OTOGL: variants seen among roughly 807,000 people sequenced by gnomAD.
The protein encoded by OTOGL is otogelin like, also known as otogelin-like protein.
In OTOGL, 285 loss-of-function variants were observed where a neutral mutation model predicts 318.5. The ratio of observed to expected loss-of-function variants is 0.89; its 90% CI spans 0.81 to 0.99. The LOEUF is 0.99. Among genes scored for constraint, OTOGL ranks in the 50% least tolerant of loss-of-function variants. OTOGL has a pLI of 0.00. For synonymous variants in OTOGL, 987 were observed against 936.5 expected (o/e 1.05, Z -0.99); for missense variants, 2,899 against 2,845.6 (o/e 1.02, Z -0.43).
chr12:80,312,233 A>C (rs1026731946), intron 30 of OTOGL, among the ~76,000 whole-genome samples: 2 of 152,190 alleles, frequency 1.3e-5, no homozygotes, highest in Non-Finnish European at 2.9e-5. Context: ...TTCTTCATCT[A>C]TGTCAATCCA....
chr12:80,278,207 C>G lies in OTOGL; in HGVS notation c.2721C>G (p.Ser907Arg). 2 of 1,546,980 alleles carry G rather than the reference C, an allele frequency of 1.3e-6. No individual in the cohort carries two copies. The highest frequency in any genetic ancestry group is 1.7e-6 in the Non-Finnish European group (2 of 1,144,338). ...EHRGKCYVPE[S>R]CPCIWKDWEY... Reference sequence around the variant, plus strand: ...GAGGAAAGTGTTATGTTCCTGAAAGCTGCCCATGTATTTGGAAAGATTGGG... The same window carrying G: ...GAGGAAAGTGTTATGTTCCTGAAAGGTGCCCATGTATTTGGAAAGATTGGG... The change falls in exon 25 of 59, where the codon AGC becomes AGG. Residue 907 changes from serine to arginine, a missense_variant. Coordinates refer to ENST00000547103, the MANE Select transcript of OTOGL (RefSeq NM_001378609.3).
intron 17 of OTOGL, 102 bp downstream of exon 17, chr12:80,256,562 C>G (rs565482585): frequency 1.4e-6 from 2 of 1,416,566 alleles, no homozygotes; most frequent in African/African-American, 2.9e-5. Flanking sequence ...TAATGTTAGG[C>G]TGACTACCTA....
At chr12:80,246,929 A>G (rs1592601130) in intron 11 of OTOGL, among the ~76,000 whole-genome samples, 1 of 42,174 alleles carries the variant, frequency 2.4e-5, no homozygotes. Context: ...CATTTCTTCT[A>G]GATTTTCTAG....
At chr12:80,252,328 A>G in intron 13 of OTOGL, 127 bp downstream of exon 13, 2 of 1,091,194 alleles carry the variant, frequency 1.8e-6, no homozygotes, top group Non-Finnish European at 2.4e-6. Context: ...CTGTTCTTGT[A>G]GAAGTTGGTC....
In OTOGL at chr12:80,152,970, A is replaced by T. The variant is rs1173976115; in HGVS notation, c.-20+53365A>T. 4.6e-5 allele frequency among the ~76,000 whole-genome samples: 7 copies of T among 152,226 alleles called. No individual in the cohort carries two copies. The East Asian group carries it at 1.3e-3, about 29-fold the overall frequency. ...CGGCCTCCCAAAGTGCTGGGATTAC[A>T]GGCATGAGCAACCGCACCCTGGCCG... On this transcript the variant is annotated intron_variant, in intron 1 of 58. Coordinates refer to ENST00000547103, the MANE Select transcript of OTOGL (RefSeq NM_001378609.3).
At chr12:80,285,257 AGCTTGCT>A (rs1257692868) in intron 26 of OTOGL, among the ~76,000 whole-genome samples, 1 of 152,094 alleles carries the variant, frequency 6.6e-6, no homozygotes, top group African/African-American at 2.4e-5. Flanking sequence ...TGATACCAGT[AGCTTGCT>A]GTTTTGGTTA....
In OTOGL at chr12:80,355,914, T is replaced by C. The variant is rs1232432302; in HGVS notation, c.5772T>C (p.Ile1924=). ...AAGCTGAAGTTGTCATGGGCATCAT[T>C]GATAAATGGACCTGCTGTTCAAAGG... is the stretch of plus-strand genomic sequence containing the variant. ...EREAEVVMGI[I]DKWTCCSKEV... is the part of the protein sequence containing the mutation. Residue 1924 remains isoleucine (I), a synonymous_variant, in exon 47 of 59, where the codon ATT becomes ATC. Transcript: ENST00000547103. 6.2e-7 allele frequency: 1 copy of C among 1,613,798 alleles called. No individual in the cohort carries two copies. Among genetic ancestry groups the C allele is most frequent in the Non-Finnish European group, 8.5e-7 (1 of 1,179,830 alleles).
chr12:80,252,174 T>C lies in OTOGL; in HGVS notation c.1258T>C (p.Cys420Arg), dbSNP rs1881624577. Residue 420 changes from cysteine to arginine, a missense_variant, in exon 13 of 59, where the codon TGT becomes CGT. Transcript: ENST00000547103. ...EKQCLGSNLHCLDGCYCPDGL... is the reference protein window; with the variant it reads ...EKQCLGSNLHRLDGCYCPDGL... ...GCAATGTCTTGGGAGCAATCTCCAT[T>C]GTCTTGATGGATGTTACTGCCCAGA... 2 of 1,597,006 alleles carry C rather than the reference T, an allele frequency of 1.3e-6. No individual in the cohort carries two copies. The highest frequency in any genetic ancestry group is 2.7e-5 in the African/African-American group (2 of 74,712).
At chr12:80,254,019 G>GA (rs1216137254) in intron 14 of OTOGL, among the ~76,000 whole-genome samples, 1 of 152,070 alleles carries the variant, frequency 6.6e-6, no homozygotes, top group Non-Finnish European at 1.5e-5. Context: ...GTCCTAAAAA[G>GA]AAACAGAGGT....
At chr12:80,174,987 A>G (rs115973449) in intron 1 of OTOGL, among the ~76,000 whole-genome samples, 2,033 of 152,246 alleles carry the variant, frequency 0.013, 44 homozygotes, top group African/African-American at 0.045. Context: ...AATAAAAAAA[A>G]ACTTAATGAG....
intron 53 of OTOGL, 35 bp downstream of exon 53, chr12:80,366,672 T>C (rs1890562631): frequency 2.1e-6 from 2 of 936,122 alleles, no homozygotes; most frequent in South Asian, 5.1e-5. Flanking sequence ...AAATTATAAA[T>C]GAATATCATT....
rs771292800 is a variant in OTOGL at position 80,302,770 on chromosome 12, G to T, written c.3200G>T (p.Gly1067Val). The T allele has an allele frequency of 6.6e-7, 1 of 1,504,576 alleles. No individual in the cohort carries two copies. Among genetic ancestry groups the T allele is most frequent in the African/African-American group, 1.4e-5 (1 of 71,586 alleles). 93.2% of individuals were successfully genotyped at this position (1,504,576 alleles called of 1,614,324 possible). ...DRKTTIHIKV[G>V]PQWKNKLSGL... ...AAGACAACTATTCATATCAAAGTTG[G>T]GCCACAGTGGAAGGTAGGTCAACCT... is the stretch of plus-strand genomic sequence containing the variant. Residue 1067 changes from glycine to valine, a missense_variant, in exon 28 of 59, where the codon GGG (glycine) becomes GTG (valine). Around this residue, in one of 3 missense-constraint regions of OTOGL, gnomAD observed 2,607 missense variants for 2,524.9 expected, o/e 1.03. Transcript: ENST00000547103.
intron 44 of OTOGL, 75 bp from the exon 45 acceptor site, chr12:80,352,220 A>G: frequency 2.3e-6 from 3 of 1,331,002 alleles, no homozygotes; most frequent in South Asian, 3.0e-5. Flanking sequence ...GATTCTCCAA[A>G]TAATCTTAGT....
chr12:80,147,895 C>T lies in OTOGL; in HGVS notation c.-20+48290C>T, dbSNP rs375761299. On this transcript the variant is annotated intron_variant, in intron 1 of 58. Coordinates refer to ENST00000547103, the MANE Select transcript of OTOGL (RefSeq NM_001378609.3). ...ATTGCAACCCCTGCCTTTTTTTGTTCTCCATTTGCTTGGTAGATCTTCCTC... is the reference window on the plus strand; with the variant it reads ...ATTGCAACCCCTGCCTTTTTTTGTTTTCCATTTGCTTGGTAGATCTTCCTC... 7.9e-4 allele frequency among the ~76,000 whole-genome samples: 120 copies of T among 151,818 alleles called. No individual in the cohort carries two copies. In the East Asian group the frequency reaches 0.015, roughly 19 times the overall value.
In OTOGL at chr12:80,314,296, T is replaced by A. The variant is rs757052719; in HGVS notation, c.3608-9T>A. The A allele has an allele frequency of 9.8e-7, 1 of 1,023,722 alleles. No homozygotes were observed. Among genetic ancestry groups the A allele is most frequent in the South Asian group, 3.1e-5 (1 of 32,708 alleles). 63.4% of individuals were successfully genotyped at this position (1,023,722 alleles called of 1,614,324 possible). A position where few individuals can be genotyped will look rare whatever the true frequency, so the allele number is the denominator to read the frequency against. On this transcript the variant is annotated splice_polypyrimidine_tract_variant and intron_variant, in intron 31 of 58. Coordinates refer to ENST00000547103, the MANE Select transcript of OTOGL (RefSeq NM_001378609.3). Reference sequence around the variant, plus strand: ...ACATAGTTTAATATTTATTCTTTTTTTCTTTTAGCACTTGATTGTGAATAC... The same window carrying A: ...ACATAGTTTAATATTTATTCTTTTTATCTTTTAGCACTTGATTGTGAATAC...
intron 1 of OTOGL, among the ~76,000 whole-genome samples, chr12:80,177,481 T>C (rs567492464): frequency 8.5e-5 from 13 of 152,330 alleles, no homozygotes; most frequent in African/African-American, 3.1e-4. Flanking sequence ...TTGTCTGCCT[T>C]AACACAAATA....
intron 4 of OTOGL, among the ~76,000 whole-genome samples, chr12:80,216,645 T>TAACTATAC (rs1440919973): frequency 1.3e-5 from 2 of 152,224 alleles, no homozygotes; most frequent in African/African-American, 4.8e-5. Flanking sequence ...TTCATTATCC[T>TAACTATAC]AACTATACAA....
chr12:80,125,332 G>T (rs1326031787), intron 1 of OTOGL, among the ~76,000 whole-genome samples: 1 of 152,152 alleles, frequency 6.6e-6, no homozygotes, highest in African/African-American at 2.4e-5. Context: ...TTATATGCTG[G>T]ATTACGTTTA....
intron 1 of OTOGL, among the ~76,000 whole-genome samples, chr12:80,103,653 G>A (rs751168414): frequency 6.6e-6 from 1 of 152,174 alleles, no homozygotes; most frequent in Non-Finnish European, 1.5e-5. Flanking sequence ...TGCTGTATAC[G>A]TACCACCTAG....
Sources: allele counts gnomAD v4.1 joint callset (sites outside exome capture counted in the v4.1 genomes callset), GRCh38; gene constraint gnomAD v4.1.1; regional missense constraint gnomAD v4.1.1; transcripts MANE v1.5; gene names NCBI Gene and HGNC (gene_info 2026-07-23, HGNC 2026-07-21).